Variants in ARHGEF28 observed in about 807,000 individuals in gnomAD.
ARHGEF28 encodes the protein Rho guanine nucleotide exchange factor 28.
A neutral mutation model predicts 206.6 loss-of-function variants in ARHGEF28; 152 were observed. That is an observed-to-expected ratio of 0.74 (90% CI 0.64 to 0.84). The LOEUF is 0.84. ARHGEF28 is among the 40% of genes least tolerant of loss of function. ARHGEF28 has a pLI of 0.00. For missense variants in ARHGEF28, 2,028 were observed against 2,073.2 expected (o/e 0.98, Z 0.42); for synonymous variants, 763 against 776.4 (o/e 0.98, Z 0.29).
intron 2 of ARHGEF28, among the ~76,000 whole-genome samples, chr5:73,741,797 T>G (rs1280738229): frequency 6.6e-6 from 1 of 152,178 alleles, no homozygotes; most frequent in Non-Finnish European, 1.5e-5. Context: ...TATTAATATA[T>G]GCATTTAATT....
chr5:73,762,207 G>A (rs987067009), intron 4 of ARHGEF28, among the ~76,000 whole-genome samples: 1 of 151,940 alleles, frequency 6.6e-6, no homozygotes, highest in African/African-American at 2.4e-5. Flanking sequence ...TGTAATCCCA[G>A]CACTTTGGGA....
rs17664652 is a variant in ARHGEF28 at position 73,723,804 on chromosome 5, C to G, written c.34-26033C>G. ...CCCTAAATTGAGCAAAATGAATTGG[C>G]CTTGTGACTATTTATCCATGCATTA... On this transcript the variant is annotated intron_variant, in intron 2 of 35. Coordinates refer to ENST00000513042, the MANE Select transcript of ARHGEF28 (RefSeq NM_001177693.2). 9.3e-3 allele frequency among the ~76,000 whole-genome samples: 1,411 copies of G among 152,296 alleles called. 44 individuals are homozygous for G. Among genetic ancestry groups the G allele is most frequent in the Admixed American group, 0.071 (1,091 of 15,296 alleles).
At chr5:73,657,593 T>C (rs926747197) in intron 1 of ARHGEF28, among the ~76,000 whole-genome samples, 9 of 152,210 alleles carry the variant, frequency 5.9e-5, no homozygotes, top group African/African-American at 1.9e-4. Context: ...GGTGAGCCTA[T>C]GTCCAATGAA....
At chr5:73,827,051 C>G (rs72772507) in intron 9 of ARHGEF28, among the ~76,000 whole-genome samples, 3,950 of 152,302 alleles carry the variant, frequency 0.026, 90 homozygotes, top group Non-Finnish European at 0.038. Context: ...AATGCTGTCT[C>G]TGATTGTCTA....
intron 16 of ARHGEF28, among the ~76,000 whole-genome samples, chr5:73,863,972 C>A (rs1759551570): frequency 6.6e-6 from 1 of 152,134 alleles, no homozygotes; most frequent in Non-Finnish European, 1.5e-5. Context: ...GGCATTTATG[C>A]AGTGTGGCTT....
intron 1 of ARHGEF28, among the ~76,000 whole-genome samples, chr5:73,656,510 C>T (rs1056310177): frequency 6.6e-6 from 1 of 152,184 alleles, no homozygotes; most frequent in Non-Finnish European, 1.5e-5. Context: ...TATTGGCTCT[C>T]CCTTCAGAAT....
intron 35 of ARHGEF28, among the ~76,000 whole-genome samples, chr5:73,930,045 AT>A (rs1764019876): frequency 1.3e-5 from 2 of 152,098 alleles, no homozygotes; most frequent in African/African-American, 4.8e-5. Flanking sequence ...GATCTTACCA[AT>A]TTTTTCCTAT....
intron 6 of ARHGEF28, among the ~76,000 whole-genome samples, chr5:73,779,035 A>AAAACCTTGCTGT (rs1753688968): frequency 1.3e-5 from 2 of 152,232 alleles, no homozygotes; most frequent in Admixed American, 1.3e-4. Context: ...CAATGACAGT[A>AAAACCTTGCTGT]AAACCTTGCT....
rs201161258 is a variant in ARHGEF28 at position 73,898,569 on chromosome 5, CCT to C, written c.3973+483_3973+484del. 964 of 153,704 alleles carry C rather than the reference CCT, an allele frequency of 6.3e-3. 6 individuals are homozygous for C. Among genetic ancestry groups the C allele is most frequent in the African/African-American group, 0.022 (903 of 41,532 alleles). The allele number at this position is 153,704 out of a possible 1,614,324, so 9.5% of individuals were successfully genotyped here. On this transcript the variant is annotated intron_variant, in intron 30 of 35. Coordinates refer to ENST00000513042, the MANE Select transcript of ARHGEF28 (RefSeq NM_001177693.2). ...CCTCCGTCTCCCTCCTTTCTCTCTC[CCT>C]CTCTCTTTCTCTCTCTCTCACACAC...
At chr5:73,633,021 G>A (rs1337730121) in intron 1 of ARHGEF28, among the ~76,000 whole-genome samples, 1 of 151,818 alleles carries the variant, frequency 6.6e-6, no homozygotes, top group African/African-American at 2.4e-5. Context: ...TGGGGCTGAT[G>A]GGAGACGGTG....
At position 73,873,161 on chromosome 5, in the gene ARHGEF28, G is replaced by A. The variant is rs1286326408; in HGVS notation, c.2729G>A (p.Ser910Asn). Residue 910 changes from serine to asparagine, a missense_variant, in exon 22 of 36, where the codon AGT becomes AAT. Transcript: ENST00000513042. ...GAAATCCACAGGCATTTCTTCTACA[G>A]TATGAAGGAACGAAGGCAGGAATCC... ...LLEIHRHFFY[S>N]MKERRQESCA... 5 of 1,612,584 alleles carry A rather than the reference G, an allele frequency of 3.1e-6. No homozygotes were observed. In the African/African-American group the frequency reaches 4.0e-5, roughly 13 times the overall value.
At chr5:73,892,799 G>C (rs1761724828) in intron 27 of ARHGEF28, among the ~76,000 whole-genome samples, 1 of 152,116 alleles carries the variant, frequency 6.6e-6, no homozygotes, top group Admixed American at 6.5e-5. Context: ...GGGTGGGGGT[G>C]ATCATTCTCA....
At chr5:73,668,649 G>T (rs1746118621) in intron 1 of ARHGEF28, among the ~76,000 whole-genome samples, 1 of 152,202 alleles carries the variant, frequency 6.6e-6, no homozygotes, top group Non-Finnish European at 1.5e-5. Context: ...TTTCTCAATA[G>T]CCCTGGAAGT....
intron 1 of ARHGEF28, among the ~76,000 whole-genome samples, chr5:73,669,686 C>CTTTATTTA (rs56870788): frequency 6.6e-6 from 1 of 150,916 alleles, no homozygotes; most frequent in Non-Finnish European, 1.5e-5. Flanking sequence ...CTAAGTTTTA[C>CTTTATTTA]TTTATTTATT....
intron 33 of ARHGEF28, among the ~76,000 whole-genome samples, chr5:73,906,746 A>G (rs1263190404): frequency 6.6e-6 from 1 of 152,012 alleles, no homozygotes; most frequent in Non-Finnish European, 1.5e-5. Context: ...TTTTTTCACT[A>G]AGTTTATTCA....
At position 73,867,931 on chromosome 5, in the gene ARHGEF28, C is replaced by T. The variant is rs1346814189; in HGVS notation, c.2208C>T (p.Ser736=). The T allele has an allele frequency of 5.8e-5, 93 of 1,613,882 alleles. No individual in the cohort carries two copies. The highest frequency in any genetic ancestry group is 7.5e-5 in the Non-Finnish European group (89 of 1,179,894). The change falls in exon 19 of 36, where the codon TCC becomes TCT. Residue 736 remains serine, a synonymous_variant. Coordinates refer to ENST00000513042, the MANE Select transcript of ARHGEF28 (RefSeq NM_001177693.2). ...QPGLSLHPSS[S]VPVGLPTGRR... ...GTCTCTCCTTGCACCCTTCTTCCTC[C>T]GTGCCTGTTGGATTGCCGACTGGAA...
intron 9 of ARHGEF28, among the ~76,000 whole-genome samples, chr5:73,798,918 T>C (rs531578263): frequency 6.6e-6 from 1 of 151,696 alleles, no homozygotes; most frequent in African/African-American, 2.4e-5. Context: ...TGAAACCCTG[T>C]TTCTACTAAA....
intron 2 of ARHGEF28, among the ~76,000 whole-genome samples, chr5:73,694,425 T>G (rs1269517175): frequency 6.6e-6 from 1 of 152,250 alleles, no homozygotes; most frequent in Non-Finnish European, 1.5e-5. Flanking sequence ...GTGCAGCCTG[T>G]ATTTTTAATA....
chr5:73,761,627 A>G (rs1351956469), intron 4 of ARHGEF28, among the ~76,000 whole-genome samples: 1 of 152,174 alleles, frequency 6.6e-6, no homozygotes, highest in Non-Finnish European at 1.5e-5. Flanking sequence ...TAGAAACCTC[A>G]AAAAATCTTC....
Sources: gnomAD v4.1 joint callset for allele counts (sites outside exome capture counted in the v4.1 genomes callset) on GRCh38, gnomAD v4.1.1 for gene constraint, MANE v1.5 for transcripts, NCBI Gene and HGNC (gene_info 2026-07-23, HGNC 2026-07-21) for gene names.